The following MTMR14 variants were observed in gnomAD, a reference collection of about 807,000 sequenced individuals.
MTMR14 encodes myotubularin related protein 14, also known as phosphatidylinositol-3,5-bisphosphate 3-phosphatase MTMR14.
Under a neutral mutation model 86.3 loss-of-function variants are expected in MTMR14, and 48 were observed. The ratio of observed to expected loss-of-function variants is 0.56; its 90% CI spans 0.44 to 0.71. The LOEUF (loss-of-function observed/expected upper bound fraction) is 0.71, where lower values mean the gene tolerates loss of function less well. MTMR14 is among the 30% of genes least tolerant of loss of function. The pLI, the probability that MTMR14 is intolerant of heterozygous loss-of-function variation, is 0.00. For synonymous variants in MTMR14, 366 were observed against 326.1 expected (o/e 1.12, Z -1.32); for missense variants, 780 against 834.6 (o/e 0.93, Z 0.81).
chr3:9,685,020 G>A, intron 12 of MTMR14, 56 bp downstream of exon 12: 1 of 1,559,632 alleles, frequency 6.4e-7, no homozygotes, highest in South Asian at 1.1e-5. Flanking sequence ...CTATATGTGA[G>A]TTGTGTGGTG....
At chr3:9,682,896 C>T (rs2075813036) in intron 9 of MTMR14, among the ~76,000 whole-genome samples, 1 of 151,954 alleles carries the variant, frequency 6.6e-6, no homozygotes, top group South Asian at 2.1e-4. Flanking sequence ...CTGGCCTCAG[C>T]ATCCGTTTCT....
chr3:9,698,463 C>A (rs1291923811), intron 18 of MTMR14, among the ~76,000 whole-genome samples: 1 of 152,220 alleles, frequency 6.6e-6, no homozygotes. Context: ...GCCTGTTCTG[C>A]CGCTTCATGG....
At position 9,697,827 on chromosome 3, in the gene MTMR14, T is replaced by C; in HGVS notation, c.1730T>C (p.Leu577Pro). 6.2e-7 allele frequency: 1 copy of C among 1,614,204 alleles called. No homozygotes were observed. The part of the protein sequence containing the change: ...ERAVLHTDSS[L>P]PFSFPDELPN... ...GCTGTCCTGCACACAGACTCCTCTC[T>C]CCCTTTCAGCTTCCCGGATGAGCTC... Residue 577 changes from leucine (L) to proline (P), a missense_variant, in exon 18 of 19, where the codon CTC becomes CCC. Physicochemically the swap from Leu to Pro is moderately conservative, Grantham distance 98. Coordinates refer to ENST00000296003, the MANE Select transcript of MTMR14 (RefSeq NM_001077525.3).
At chr3:9,680,740 G>T (rs2075737394) in intron 9 of MTMR14, among the ~76,000 whole-genome samples, 1 of 152,238 alleles carries the variant, frequency 6.6e-6, no homozygotes. Flanking sequence ...GGGAGACTGA[G>T]GCAGGAGAAT....
At chr3:9,700,056 C>T (rs2076405046) in intron 18 of MTMR14, 1 of 152,226 alleles carries the variant, frequency 6.6e-6, no homozygotes, top group African/African-American at 2.4e-5. Context: ...CTACTGCTTC[C>T]ATCTCTCACA....
At position 9,701,925 on chromosome 3, in the gene MTMR14, A is replaced by C; in HGVS notation, c.1905A>C (p.Gln635His). ...GTGCCATCGGGGGCCTGCTGGAGCA[A>C]TTTGCCCGTGGTGTTGGACTCCGGA... The part of the protein sequence containing the change: ...PSGAIGGLLE[Q>H]FARGVGLRSI... Residue 635 changes from glutamine (Q) to histidine (H), a missense_variant, in exon 19 of 19, where the codon CAA becomes CAC. Physicochemically the swap from Gln to His is conservative, Grantham distance 24. Coordinates refer to ENST00000296003, the MANE Select transcript of MTMR14 (RefSeq NM_001077525.3). The surrounding 1 kb of genome is among the most constrained non-coding windows in gnomAD (Gnocchi z 4.2). 1 of 1,614,190 alleles carries C rather than the reference A, an allele frequency of 6.2e-7. No homozygotes were observed. The highest frequency in any genetic ancestry group is 2.2e-5 in the East Asian group (1 of 44,886).
intron 10 of MTMR14, chr3:9,683,588 C>T (rs532018467): frequency 9.6e-6 from 3 of 313,388 alleles, no homozygotes; most frequent in African/African-American, 4.3e-5. Flanking sequence ...AGAATCAATC[C>T]GGGCTGCTCA....
chr3:9,668,653 C>T, intron 3 of MTMR14, 66 bp from the exon 4 acceptor site: 1 of 1,549,230 alleles, frequency 6.5e-7, no homozygotes, highest in Non-Finnish European at 8.9e-7. Context: ...AGGAGTCCCA[C>T]ATGTTCCTTC....
Position 9,702,205 on chromosome 3 carries a change from C to T in MTMR14, c.*232C>T. ...TTCTTGTCACTGTCTCCCACCCACC[C>T]CATCTTTGCTGGGATTCCCATCAAC... On this transcript the variant is annotated 3_prime_UTR_variant, in exon 19 of 19. Transcript: ENST00000296003. 1.7e-6 allele frequency: 1 copy of T among 590,550 alleles called. No homozygotes were observed. Among genetic ancestry groups the T allele is most frequent in the East Asian group, 3.0e-5 (1 of 33,452 alleles). 36.6% of individuals were successfully genotyped at this position (590,550 alleles called of 1,614,324 possible). A position where few individuals can be genotyped will look rare whatever the true frequency, so the allele number is the denominator to read the frequency against.
chr3:9,685,914 C>G (rs1345286005), intron 13 of MTMR14, among the ~76,000 whole-genome samples: 1 of 152,138 alleles, frequency 6.6e-6, no homozygotes, highest in Admixed American at 6.6e-5. Flanking sequence ...GCCTGGGTGA[C>G]CTTGGGTGGT....
intron 15 of MTMR14, 69 bp downstream of exon 15, chr3:9,688,823 T>TAAGAG: frequency 6.2e-7 from 1 of 1,611,722 alleles, no homozygotes; most frequent in Non-Finnish European, 8.5e-7. Context: ...AGGCAGGAAC[T>TAAGAG]GTTTGTGCTA....
Position 9,690,099 on chromosome 3 carries a change from C to G in MTMR14, c.1569C>G (p.Asn523Lys), listed in dbSNP as rs1372444088. 102 of 1,613,652 alleles carry G rather than the reference C, an allele frequency of 6.3e-5. No homozygotes were observed. Among genetic ancestry groups the G allele is most frequent in the Non-Finnish European group, 8.6e-5 (102 of 1,180,036 alleles). The change falls in exon 17 of 19, where the codon AAC (asparagine) becomes AAG (lysine). Residue 523 changes from asparagine (N) to lysine (K), a missense_variant. Physicochemically the swap from Asn to Lys is moderately conservative, Grantham distance 94. Coordinates refer to ENST00000296003, the MANE Select transcript of MTMR14 (RefSeq NM_001077525.3). ...CCTCTTCCTCAAACCATTCTGATAA[C>G]TTTTTCAGGATGGGTAGCAGTCCCC... ...SSSSSSNHSDNFFRMGSSPLE... is the reference protein window; with the variant it reads ...SSSSSSNHSDKFFRMGSSPLE...
At chr3:9,659,220 A>G (rs765528964) in intron 2 of MTMR14, among the ~76,000 whole-genome samples, 1 of 152,074 alleles carries the variant, frequency 6.6e-6, no homozygotes, top group Non-Finnish European at 1.5e-5. Context: ...ACAGAGGAAG[A>G]CCTTGTTGGG....
intron 1 of MTMR14, chr3:9,650,257 C>T (rs1292219629): frequency 6.6e-6 from 3 of 454,382 alleles, no homozygotes; most frequent in African/African-American, 4.0e-5. Flanking sequence ...ACAACCCACA[C>T]TCCCTTTCAG....
At position 9,702,127 on chromosome 3, in the gene MTMR14, GCCAAAGACAGGGTTTT is replaced by G; in HGVS notation, c.*159_*174del. On this transcript the variant is annotated 3_prime_UTR_variant, in exon 19 of 19. Coordinates refer to ENST00000296003, the MANE Select transcript of MTMR14 (RefSeq NM_001077525.3). ...CATGGCAGCCCCAAAGCTGAGCAAG[GCCAAAGACAGGGTTTT>G]CCAACCCCCAGCCTCTTGACTGGTG... The G allele has an allele frequency of 1.0e-6, 1 of 988,314 alleles. No homozygotes were observed. The highest frequency in any genetic ancestry group is 1.4e-5 in the South Asian group (1 of 72,218). The allele number at this position is 988,314 out of a possible 1,614,324, so 61.2% of individuals were successfully genotyped here.
intron 2 of MTMR14, among the ~76,000 whole-genome samples, chr3:9,655,412 T>C (rs1162022897): frequency 6.6e-6 from 1 of 151,606 alleles, no homozygotes; most frequent in Non-Finnish European, 1.5e-5. Context: ...TCCTGGGCCT[T>C]CTGGAATCAG....
intron 9 of MTMR14, among the ~76,000 whole-genome samples, chr3:9,682,933 G>GC (rs879461070): frequency 0.047 from 6,604 of 142,012 alleles, 225 homozygotes; most frequent in South Asian, 0.12. Flanking sequence ...TTGGGTCAGA[G>GC]CCCCCCCCCC....
At chr3:9,686,486 A>ACC (rs113106403) in intron 13 of MTMR14, among the ~76,000 whole-genome samples, 45 of 150,396 alleles carry the variant, frequency 3.0e-4, no homozygotes, top group African/African-American at 9.3e-4. Context: ...CCTTTCTGTT[A>ACC]CCCCCCCCAG....
intron 1 of MTMR14, among the ~76,000 whole-genome samples, chr3:9,653,339 C>CCA (rs2047415562): frequency 6.6e-6 from 1 of 152,142 alleles, no homozygotes. Flanking sequence ...GGTTGTAGAC[C>CCA]TCTTTGAATC....
Sources: gnomAD v4.1 joint callset for allele counts (sites outside exome capture counted in the v4.1 genomes callset) on GRCh38, gnomAD v4.1.1 for gene constraint, Gnocchi (gnomAD v3.1) non-coding constraint, MANE v1.5 for transcripts, NCBI Gene and HGNC (gene_info 2026-07-23, HGNC 2026-07-21) for gene names.